The following GPC6 variants were observed in gnomAD, a reference collection of about 807,000 sequenced individuals.
GPC6 encodes glypican-6.
GPC6 carries 14 observed loss-of-function variants against 55.2 expected under a neutral mutation model. The ratio of observed to expected loss-of-function variants is 0.25; its 90% confidence interval spans 0.17 to 0.40. GPC6 has a LOEUF of 0.40. Among genes scored for constraint, GPC6 ranks in the 10% least tolerant of loss-of-function variants. The pLI is 1.00. For synonymous variants in GPC6, 278 were observed against 259.6 expected (o/e 1.07, Z -0.68); for missense variants, 641 against 708.5 (o/e 0.90, Z 1.08).
intron 2 of GPC6, among the ~76,000 whole-genome samples, chr13:93,560,725 C>G (rs1325533746): frequency 6.7e-6 from 1 of 149,298 alleles, no homozygotes; most frequent in African/African-American, 2.5e-5. Context: ...GAGATCATGA[C>G]ACTGCACTCC....
Position 93,704,555 on chromosome 13 carries a change from A to T in GPC6, c.320-125599A>T, listed in dbSNP as rs553418599. ...ATTATTTAAAAAAGAATTAACCCAT[A>T]GTATAGCATAAAACCATGTGTTCTC... On this transcript the variant is annotated intron_variant, in intron 2 of 8. Transcript: ENST00000377047. Among the ~76,000 whole-genome samples the T allele has an allele frequency of 7.9e-5, 12 of 152,136 alleles. No homozygotes were observed. The South Asian group carries it at 2.5e-3, about 32-fold the overall frequency.
chr13:94,038,806 G>A (rs959087046), intron 4 of GPC6, among the ~76,000 whole-genome samples: 12 of 151,882 alleles, frequency 7.9e-5, no homozygotes, highest in Non-Finnish European at 1.5e-4. Flanking sequence ...GAGTAAGCAA[G>A]CAGGTAGGAA....
At chr13:94,337,247 T>C (rs938854550) in intron 6 of GPC6, among the ~76,000 whole-genome samples, 1 of 152,110 alleles carries the variant, frequency 6.6e-6, no homozygotes, top group African/African-American at 2.4e-5. Flanking sequence ...GGGATTTTCA[T>C]GTATTGAAGC....
chr13:93,482,322 T>C (rs1404492048), intron 1 of GPC6, among the ~76,000 whole-genome samples: 1 of 152,148 alleles, frequency 6.6e-6, no homozygotes, highest in East Asian at 1.9e-4. Context: ...GAATATTGTA[T>C]CTTTATTTCT....
chr13:93,442,017 A>G (rs964098382), intron 1 of GPC6, among the ~76,000 whole-genome samples: 1 of 152,212 alleles, frequency 6.6e-6, no homozygotes, highest in African/African-American at 2.4e-5. Flanking sequence ...TGGATTTTAA[A>G]CAGGAAAGGA....
chr13:94,359,966 T>A (rs1878980573), intron 6 of GPC6, among the ~76,000 whole-genome samples: 1 of 152,248 alleles, frequency 6.6e-6, no homozygotes, highest in Admixed American at 6.5e-5. Context: ...TTACTACTTT[T>A]CATTTCATAA....
chr13:94,274,303 C>T (rs1392316416), intron 4 of GPC6, among the ~76,000 whole-genome samples: 1 of 152,174 alleles, frequency 6.6e-6, no homozygotes, highest in Non-Finnish European at 1.5e-5. Flanking sequence ...GTTCTCTCCT[C>T]CTCTTCCTGG....
intron 4 of GPC6, among the ~76,000 whole-genome samples, chr13:94,078,621 A>T (rs917675563): frequency 3.3e-5 from 5 of 151,978 alleles, no homozygotes; most frequent in Admixed American, 1.3e-4. Context: ...ACAATTACAC[A>T]CCAACAAATG....
In GPC6 at chr13:93,291,180, TTAATAGTTTGA is replaced by T. The variant is rs1184364359; in HGVS notation, c.160+63569_160+63579del. ...CAAGGGATTATAAACTCTTTTATAG[TTAATAGTTTGA>T]TAATTTCTCTCTCATCCACATCTTG... On this transcript the variant is annotated intron_variant, in intron 1 of 8. Transcript: ENST00000377047. 1.6e-4 allele frequency among the ~76,000 whole-genome samples: 25 copies of T among 152,268 alleles called. No individual in the cohort carries two copies. The East Asian group carries it at 4.8e-3, about 29-fold the overall frequency.
chr13:94,175,941 T>C (rs1888736837), intron 4 of GPC6, among the ~76,000 whole-genome samples: 1 of 75,810 alleles, frequency 1.3e-5, no homozygotes, highest in African/African-American at 4.8e-5. Context: ...ATGAGCCATA[T>C]ATATATATAT....
At chr13:93,495,262 A>G (rs1410937814) in intron 1 of GPC6, among the ~76,000 whole-genome samples, 5 of 148,492 alleles carry the variant, frequency 3.4e-5, no homozygotes, top group African/African-American at 1.2e-4. Context: ...TTCTCACTTC[A>G]TTTCATTCAT....
At chr13:94,135,337 T>C (rs1267273627) in intron 4 of GPC6, among the ~76,000 whole-genome samples, 1 of 152,156 alleles carries the variant, frequency 6.6e-6, no homozygotes, top group Non-Finnish European at 1.5e-5. Flanking sequence ...ATATGTGCAT[T>C]TGAAAAAAAA....
intron 1 of GPC6, among the ~76,000 whole-genome samples, chr13:93,342,020 C>G (rs1443426153): frequency 2.0e-5 from 3 of 151,536 alleles, no homozygotes; most frequent in Non-Finnish European, 4.4e-5. Context: ...AGGTGTCCAG[C>G]ACCACACCCA....
At chr13:94,386,682 G>A (rs573919153) in intron 7 of GPC6, among the ~76,000 whole-genome samples, 2 of 152,338 alleles carry the variant, frequency 1.3e-5, no homozygotes, top group South Asian at 4.1e-4. Context: ...TATTAGAACT[G>A]ATAGAGATTG....
At chr13:93,397,549 A>T (rs564857596) in intron 1 of GPC6, among the ~76,000 whole-genome samples, 1 of 152,304 alleles carries the variant, frequency 6.6e-6, no homozygotes, top group Non-Finnish European at 1.5e-5. Flanking sequence ...AAAACATTTT[A>T]ATTGCCTTAT....
intron 2 of GPC6, among the ~76,000 whole-genome samples, chr13:93,809,418 G>A (rs1886631933): frequency 6.6e-6 from 1 of 152,142 alleles, no homozygotes; most frequent in African/African-American, 2.4e-5. Flanking sequence ...GATTTTAAGG[G>A]CCATGGTATG....
At chr13:94,175,948 A>G (rs1888737704) in intron 4 of GPC6, among the ~76,000 whole-genome samples, 1 of 109,290 alleles carries the variant, frequency 9.1e-6, no homozygotes, top group Admixed American at 9.6e-5. Context: ...ATATATATAT[A>G]TATATATAGA....
intron 4 of GPC6, among the ~76,000 whole-genome samples, chr13:94,250,805 T>C (rs570711894): frequency 2.6e-5 from 4 of 152,228 alleles, no homozygotes; most frequent in African/African-American, 9.6e-5. Context: ...TGGGTGAAGG[T>C]ACATGACAAT....
chr13:93,789,132 A>G (rs1413472599), intron 2 of GPC6, among the ~76,000 whole-genome samples: 1 of 151,872 alleles, frequency 6.6e-6, no homozygotes, highest in Non-Finnish European at 1.5e-5. Flanking sequence ...TACCATATGC[A>G]GGGGATGACA....
Sources: gnomAD v4.1 joint callset for allele counts (sites outside exome capture counted in the v4.1 genomes callset) on GRCh38, gnomAD v4.1.1 for gene constraint, MANE v1.5 for transcripts, NCBI Gene and HGNC (gene_info 2026-07-23, HGNC 2026-07-21) for gene names.